The following KDM6B variants were observed in gnomAD, a reference collection of about 807,000 sequenced individuals.
KDM6B encodes lysine-specific demethylase 6B.
In KDM6B, 22 loss-of-function variants were observed where a neutral mutation model predicts 150.4. The ratio of observed to expected loss-of-function variants is 0.15; its 90% confidence interval spans 0.10 to 0.21. KDM6B has a LOEUF of 0.21. KDM6B is among the 10% of genes least tolerant of loss of function. The pLI, the probability that KDM6B is intolerant of heterozygous loss-of-function variation, is 1.00. For synonymous variants in KDM6B, 1,148 were observed against 921.1 expected (o/e 1.25, Z -4.46); for missense variants, 1,984 against 2,234.3 (o/e 0.89, Z 2.26).
In KDM6B at chr17:7,854,211, G is replaced by C. The variant is rs1307666391; in HGVS notation, c.*690G>C. 3 of 151,472 alleles carry C rather than the reference G, an allele frequency of 2.0e-5. No homozygotes were observed. The highest frequency in any genetic ancestry group is 7.3e-5 in the African/African-American group (3 of 41,068). The allele number at this position is 151,472 out of a possible 1,614,324, so 9.4% of individuals were successfully genotyped here. ...TCTCCCCGCGCCCCAGTGTGTGTCCGGGCCCGGCCCGACCGTCTCCACCCG... is the reference window on the plus strand; with the variant it reads ...TCTCCCCGCGCCCCAGTGTGTGTCCCGGCCCGGCCCGACCGTCTCCACCCG... On this transcript the variant is annotated 3_prime_UTR_variant, in exon 24 of 24. Coordinates refer to ENST00000448097, the MANE Select transcript of KDM6B (RefSeq NM_001348716.2).
intron 1 of KDM6B, among the ~76,000 whole-genome samples, chr17:7,839,334 C>A (rs995438251): frequency 1.3e-5 from 2 of 152,064 alleles, no homozygotes; most frequent in African/African-American, 4.8e-5. Flanking sequence ...GAGGCTACTT[C>A]CAGGCTTAGG....
In KDM6B at chr17:7,849,277, C is replaced by T. The variant is rs543000365; in HGVS notation, c.2989C>T (p.Arg997Trp). 9.6e-6 allele frequency: 15 copies of T among 1,555,420 alleles called. No individual in the cohort carries two copies. The highest frequency in any genetic ancestry group is 1.7e-4 in the Middle Eastern group (1 of 5,966). ...GGCCTGTAAGGACAGTGTGGGTCGT[C>T]GGCCCCGTGAGGGCAGGGCAAAGGC... is the stretch of plus-strand genomic sequence containing the variant. The part of the protein sequence containing the change: ...RRACKDSVGR[R>W]PREGRAKAKA... Residue 997 changes from arginine to tryptophan, a missense_variant, in exon 12 of 24, where the codon CGG becomes TGG. Physicochemically the swap from Arg to Trp is moderately radical, Grantham distance 101. Transcript: ENST00000448097.
rs1377729343 is a variant in KDM6B, at chr17:7,853,003, C to T, written c.4614C>T (p.Phe1538=). 14 of 1,613,904 alleles carry T rather than the reference C, an allele frequency of 8.7e-6. No individual in the cohort carries two copies. The highest frequency in any genetic ancestry group is 1.7e-5 in the Admixed American group (1 of 60,018). The change falls in exon 22 of 24, where the codon TTC becomes TTT. Residue 1538 remains phenylalanine, a synonymous_variant. Coordinates refer to ENST00000448097, the MANE Select transcript of KDM6B (RefSeq NM_001348716.2). ...SDPDLFKMIK[F]CLLQSMKHCQ... ...ACACAACCCCACTGCTCCCCAGGTT[C>T]TGCCTGCTGCAGTCCATGAAGCACT...
Position 7,844,827 on chromosome 17 carries a change from C to T in KDM6B, c.-268-74C>T, listed in dbSNP as rs1303772005. 1 of 158,526 alleles carries T rather than the reference C, an allele frequency of 6.3e-6. No individual in the cohort carries two copies. Among genetic ancestry groups the T allele is most frequent in the African/African-American group, 2.4e-5 (1 of 41,444 alleles). 9.8% of individuals were successfully genotyped at this position (158,526 alleles called of 1,614,324 possible). ...CGGGGTCACCCCGGGCTGAGCTCGT[C>T]TGACCGGCTCCCGCGCCCCTCCTCC... On this transcript the variant is annotated intron_variant, in intron 2 of 23. Transcript: ENST00000448097. This position sits in a 1 kb window ranked among gnomAD's most constrained non-coding sequence, Gnocchi z 5.9.
At chr17:7,846,377 G>GGC in intron 7 of KDM6B, 23 bp from the exon 8 acceptor site, 3 of 1,479,474 alleles carry the variant, frequency 2.0e-6, no homozygotes, top group Non-Finnish European at 2.7e-6. Flanking sequence ...ATCTGCCCCT[G>GGC]CCCCGTGTCC....
At chr17:7,852,380 G>A (rs751478253) in intron 20 of KDM6B, 44 bp downstream of exon 20, 7 of 1,595,162 alleles carry the variant, frequency 4.4e-6, no homozygotes, top group East Asian at 4.5e-5. Flanking sequence ...GCGCCTCAGC[G>A]GCAAGGGCCT....
Position 7,851,213 on chromosome 17 carries a change from A to G in KDM6B, c.3866A>G (p.Gln1289Arg). ...GCACAGTACCAGGCCTCATCCTTCCAGGAGTCTCTGCAGGTGAGATGAGAA... is the reference window on the plus strand; with the variant it reads ...GCACAGTACCAGGCCTCATCCTTCCGGGAGTCTCTGCAGGTGAGATGAGAA... ...KYAQYQASSFQESLQEEKESE... is the reference protein window; with the variant it reads ...KYAQYQASSFRESLQEEKESE... The change falls in exon 15 of 24, where the codon CAG becomes CGG. Residue 1289 changes from glutamine (Q) to arginine (R), a missense_variant. Physicochemically the swap from Gln to Arg is conservative, Grantham distance 43 (BLOSUM62 1). This residue lies in a region of KDM6B where 10 missense variants were observed against 54.7 expected (regional missense o/e 0.18). Coordinates refer to ENST00000448097, the MANE Select transcript of KDM6B (RefSeq NM_001348716.2). 6.2e-7 allele frequency: 1 copy of G among 1,613,962 alleles called. No homozygotes were observed. Among genetic ancestry groups the G allele is most frequent in the Non-Finnish European group, 8.5e-7 (1 of 1,180,006 alleles).
rs1280621067 is a variant in KDM6B at position 7,843,375 on chromosome 17, G to A, written c.-268-1526G>A. Among the ~76,000 whole-genome samples the A allele has an allele frequency of 6.6e-6, 1 of 152,166 alleles. No individual in the cohort carries two copies. Among genetic ancestry groups the A allele is most frequent in the East Asian group, 1.9e-4 (1 of 5,174 alleles). ...AAGGATGCTGCCTCTAGTGAGGAGA[G>A]AGTTCTGACAGTAATACCACGTGAA... On this transcript the variant is annotated intron_variant, in intron 2 of 23. Coordinates refer to ENST00000448097, the MANE Select transcript of KDM6B (RefSeq NM_001348716.2). This position sits in a 1 kb window ranked among gnomAD's most constrained non-coding sequence, Gnocchi z 4.5.
chr17:7,852,000 A>G lies in KDM6B; in HGVS notation c.4215A>G (p.Pro1405=), dbSNP rs758992049. The change falls in exon 19 of 24, where the codon CCA becomes CCG. Residue 1405 remains proline, a synonymous_variant. Transcript: ENST00000448097. ...GCTCCGTCAACATCAACATTGGCCCAGGCGACTGCGAGTGGTTCGCGGTGC... is the reference window on the plus strand; with the variant it reads ...GCTCCGTCAACATCAACATTGGCCCGGGCGACTGCGAGTGGTTCGCGGTGC... ...NFCSVNINIG[P]GDCEWFAVHE... 11 of 1,613,998 alleles carry G rather than the reference A, an allele frequency of 6.8e-6. No homozygotes were observed. In the African/African-American group the frequency reaches 1.5e-4, roughly 22 times the overall value.
rs1234864157 is a variant in KDM6B, at chr17:7,846,195, G to C, written c.354G>C (p.Glu118Asp). The C allele has an allele frequency of 6.2e-7, 1 of 1,614,160 alleles. No homozygotes were observed. Among genetic ancestry groups the C allele is most frequent in the Non-Finnish European group, 8.5e-7 (1 of 1,180,016 alleles). Residue 118 changes from glutamate (E) to aspartate (D), a missense_variant, in exon 7 of 24, where the codon GAG becomes GAC. Around this residue, in one of 13 missense-constraint regions of KDM6B, gnomAD observed 337 missense variants for 323.9 expected, o/e 1.04. Coordinates refer to ENST00000448097, the MANE Select transcript of KDM6B (RefSeq NM_001348716.2). Reference protein sequence around the residue: ...GLWEQLGQLYESEHDSEEATR... With the variant: ...GLWEQLGQLYDSEHDSEEATR... The stretch of plus-strand genomic sequence containing the variant: ...GGGAACAGCTTGGGCAACTGTACGA[G>C]TCAGAGCACGATAGTGAGGAGGCCA...
At chr17:7,846,359 C>T (rs748403009) in intron 7 of KDM6B, 41 bp from the exon 8 acceptor site, 1 of 1,561,218 alleles carries the variant, frequency 6.4e-7, no homozygotes, top group Non-Finnish European at 8.7e-7. Context: ...CTCAGTGCCC[C>T]ACCTGACATC....
At position 7,843,819 on chromosome 17, in the gene KDM6B, G is replaced by C. The variant is rs1032919291; in HGVS notation, c.-268-1082G>C. Among the ~76,000 whole-genome samples the C allele has an allele frequency of 4.6e-5, 7 of 152,286 alleles. No homozygotes were observed. The highest frequency in any genetic ancestry group is 2.0e-4 in the Admixed American group (3 of 15,308). ...GCCGGGTAGGCAAGGAGGAGGCGCG[G>C]GGACGCAGCTCCTGGGCTCAGAGAG... On this transcript the variant is annotated intron_variant, in intron 2 of 23. Coordinates refer to ENST00000448097, the MANE Select transcript of KDM6B (RefSeq NM_001348716.2). This position sits in a 1 kb window ranked among gnomAD's most constrained non-coding sequence, Gnocchi z 4.5.
chr17:7,847,828 C>A lies in KDM6B; in HGVS notation c.1540C>A (p.Pro514Thr). ...LFFGTEGPPRPAPPPLPHREG... is the reference protein window; with the variant it reads ...LFFGTEGPPRTAPPPLPHREG... ...CTTTGGGACTGAGGGACCCCCCCGC[C>A]CTGCCCCACCACCCCTCCCCCATCG... Residue 514 changes from proline (P) to threonine (T), a missense_variant, in exon 12 of 24, where the codon CCT becomes ACT. Physicochemically the swap from Pro to Thr is conservative, Grantham distance 38. Around this residue, in one of 13 missense-constraint regions of KDM6B, gnomAD observed 1,379 missense variants for 1,275.6 expected, o/e 1.08. Transcript: ENST00000448097. 1 of 1,526,912 alleles carries A rather than the reference C, an allele frequency of 6.5e-7. No homozygotes were observed. The highest frequency in any genetic ancestry group is 8.9e-7 in the Non-Finnish European group (1 of 1,126,766). 94.6% of individuals were successfully genotyped at this position (1,526,912 alleles called of 1,614,324 possible).
rs1175790596 is a variant in KDM6B, at chr17:7,851,684, C to T, written c.4053C>T (p.Pro1351=). 5.1e-6 allele frequency: 8 copies of T among 1,573,784 alleles called. No individual in the cohort carries two copies. The highest frequency in any genetic ancestry group is 6.0e-6 in the Non-Finnish European group (7 of 1,159,782). ...AGCTGCAGGAGCTGCTGAAGCTGCC[C>T]GCCTTCATGCGGGTAACATCCACGG... ...KPQLQELLKL[P]AFMRVTSTGN... Residue 1351 remains proline (P), a synonymous_variant, in exon 18 of 24, where the codon CCC becomes CCT. Coordinates refer to ENST00000448097, the MANE Select transcript of KDM6B (RefSeq NM_001348716.2).
In KDM6B at chr17:7,847,143, A is replaced by C. The variant is rs1171467911; in HGVS notation, c.948A>C (p.Pro316=). 1.9e-6 allele frequency: 3 copies of C among 1,609,456 alleles called. No homozygotes were observed. Among genetic ancestry groups the C allele is most frequent in the Non-Finnish European group, 2.5e-6 (3 of 1,179,872 alleles). ...RHSLPHPYPY[P]APAYTAHPPG... ...CGCTGCCTCACCCATATCCATACCC[A>C]GCTCCAGCGTACACCGCGCACCCCC... is the stretch of plus-strand genomic sequence containing the variant. Residue 316 remains proline (P), a synonymous_variant, in exon 11 of 24, where the codon CCA becomes CCC. Coordinates refer to ENST00000448097, the MANE Select transcript of KDM6B (RefSeq NM_001348716.2).
Position 7,852,335 on chromosome 17 carries a change from C to A in KDM6B, c.4467C>A (p.Thr1489=). The change falls in exon 20 of 24, where the codon ACC becomes ACA. Residue 1489 remains threonine (T), a splice_region_variant and synonymous_variant. Coordinates refer to ENST00000448097, the MANE Select transcript of KDM6B (RefSeq NM_001348716.2). Reference sequence around the variant, plus strand: ...TTGCCTGGAACGTGGGGCCCCTCACCGGTGAGAGGGTGGGGCAGGTGTTGG... The same window carrying A: ...TTGCCTGGAACGTGGGGCCCCTCACAGGTGAGAGGGTGGGGCAGGTGTTGG... ...NNIAWNVGPL[T]AYQYQLALER... is the part of the protein sequence containing the mutation. 5 of 1,612,266 alleles carry A rather than the reference C, an allele frequency of 3.1e-6. No individual in the cohort carries two copies. The South Asian group carries it at 5.5e-5, about 18-fold the overall frequency.
chr17:7,851,944 C>G lies in KDM6B; in HGVS notation c.4166-7C>G, dbSNP rs762286379. ...CCAGCCATGCCGTTCTCTGTCGACC[C>G]CTGCAGGCCACCAGGAGAATAACAA... On this transcript the variant is annotated splice_region_variant and splice_polypyrimidine_tract_variant and intron_variant, in intron 18 of 23. Transcript: ENST00000448097. The G allele has an allele frequency of 3.7e-6, 6 of 1,613,228 alleles. No individual in the cohort carries two copies. Among genetic ancestry groups the G allele is most frequent in the East Asian group, 2.2e-5 (1 of 44,896 alleles).
intron 1 of KDM6B, among the ~76,000 whole-genome samples, chr17:7,835,340 T>A (rs2078312842): frequency 6.6e-6 from 1 of 151,912 alleles, no homozygotes; most frequent in African/African-American, 2.4e-5. Context: ...GCGGAGGGCC[T>A]GAAGACTGTG....
intron 2 of KDM6B, among the ~76,000 whole-genome samples, chr17:7,842,831 AG>A (rs1407412758): frequency 3.3e-4 from 47 of 141,268 alleles, no homozygotes; most frequent in Non-Finnish European, 6.0e-5. Flanking sequence ...CCCCACCCCA[AG>A]CCTGAATCAG....
Sources: gnomAD v4.1 joint callset for allele counts (sites outside exome capture counted in the v4.1 genomes callset) on GRCh38, gnomAD v4.1.1 for gene constraint, gnomAD v4.1.1 regional missense constraint, Gnocchi (gnomAD v3.1) non-coding constraint, MANE v1.5 for transcripts, NCBI Gene and HGNC (gene_info 2026-07-23, HGNC 2026-07-21) for gene names.